PRKCE: variants seen among roughly 807,000 people sequenced by gnomAD.
The protein encoded by PRKCE is protein kinase C epsilon type.
In PRKCE, 16 loss-of-function variants were observed where a neutral mutation model predicts 85.4. The ratio of observed to expected loss-of-function variants is 0.19; its 90% CI spans 0.13 to 0.28. The LOEUF (loss-of-function observed/expected upper bound fraction) is 0.28. PRKCE is among the 10% of genes least tolerant of loss of function. The pLI, the probability that PRKCE is intolerant of heterozygous loss-of-function variation, is 1.00. For synonymous variants in PRKCE, 388 were observed against 371.5 expected (o/e 1.04, Z -0.51); for missense variants, 573 against 975.2 (o/e 0.59, Z 5.49).
intron 1 of PRKCE, among the ~76,000 whole-genome samples, chr2:45,727,383 G>C (rs965841602): frequency 6.6e-6 from 1 of 152,232 alleles, no homozygotes; most frequent in Non-Finnish European, 1.5e-5. Context: ...GTGCACAAAA[G>C]TGGGAGTGGG....
chr2:46,089,856 C>T (rs949184822), intron 11 of PRKCE, among the ~76,000 whole-genome samples: 2 of 152,186 alleles, frequency 1.3e-5, no homozygotes, highest in African/African-American at 4.8e-5. Context: ...CTCCAAATTA[C>T]TTGCCATTAT....
chr2:46,147,607 A>C (rs1372185521), intron 12 of PRKCE, among the ~76,000 whole-genome samples: 2 of 152,234 alleles, frequency 1.3e-5, no homozygotes, highest in East Asian at 3.8e-4. Context: ...CTGCACTGGC[A>C]ATGACAATCC....
chr2:45,858,495 A>T (rs1692864036), intron 2 of PRKCE, among the ~76,000 whole-genome samples: 1 of 152,084 alleles, frequency 6.6e-6, no homozygotes, highest in African/African-American at 2.4e-5. Context: ...TTTATGCTGA[A>T]CTTATATTGT....
intron 1 of PRKCE, among the ~76,000 whole-genome samples, chr2:45,821,283 C>T (rs1689510007): frequency 1.3e-5 from 2 of 152,118 alleles, no homozygotes; most frequent in Admixed American, 1.3e-4. Flanking sequence ...TAATTATCTC[C>T]CCTAAGTTAG....
chr2:45,892,040 A>T (rs562436227), intron 2 of PRKCE, among the ~76,000 whole-genome samples: 1 of 152,316 alleles, frequency 6.6e-6, no homozygotes, highest in South Asian at 2.1e-4. Context: ...CCTGCTCTCC[A>T]CAGTTGACAC....
intron 10 of PRKCE, among the ~76,000 whole-genome samples, chr2:46,083,202 C>G (rs560626899): frequency 6.6e-6 from 1 of 152,328 alleles, no homozygotes; most frequent in Admixed American, 6.5e-5. Flanking sequence ...CTGCCTACCT[C>G]AGTCTCCCAA....
chr2:46,163,620 T>G (rs1272034577), intron 14 of PRKCE, among the ~76,000 whole-genome samples: 3 of 81,578 alleles, frequency 3.7e-5, no homozygotes, highest in Admixed American at 1.4e-4. Context: ...AAGCTGAGCT[T>G]CATCCCCACA....
intron 10 of PRKCE, among the ~76,000 whole-genome samples, chr2:46,052,686 TC>T (rs1708929645): frequency 6.6e-6 from 1 of 152,160 alleles, no homozygotes; most frequent in Admixed American, 6.5e-5. Context: ...TGCAAAGGGC[TC>T]AGAAGAGCCA....
chr2:45,929,017 T>G (rs1024396265), intron 2 of PRKCE, among the ~76,000 whole-genome samples: 3 of 152,196 alleles, frequency 2.0e-5, no homozygotes, highest in Non-Finnish European at 2.9e-5. Flanking sequence ...AATTGTGCGT[T>G]CTTTCTTCTT....
At chr2:46,122,880 G>GT (rs1366368036) in intron 11 of PRKCE, among the ~76,000 whole-genome samples, 49 of 131,852 alleles carry the variant, frequency 3.7e-4, no homozygotes, top group African/African-American at 1.5e-3. Context: ...CAACAGTCTG[G>GT]GTTTTTTTTT....
chr2:45,909,751 G>A (rs1192066051), intron 2 of PRKCE, among the ~76,000 whole-genome samples: 1 of 152,214 alleles, frequency 6.6e-6, no homozygotes, highest in Non-Finnish European at 1.5e-5. Flanking sequence ...GTGAGTCAGT[G>A]CTTCCTGGAC....
chr2:45,733,575 T>C (rs1281908950), intron 1 of PRKCE, among the ~76,000 whole-genome samples: 1 of 152,154 alleles, frequency 6.6e-6, no homozygotes, highest in African/African-American at 2.4e-5. Context: ...TGGGGTGTTA[T>C]GTGGGCTGGT....
chr2:46,083,744 TGGG>T lies in PRKCE; in HGVS notation c.1438-2460_1438-2458del, dbSNP rs202106917. ...GATCTTCTGAACCAGATATCTGAGTTGGGGGGCTCAGGAATCCATGTCCTAACA... is the reference window on the plus strand; with the variant it reads ...GATCTTCTGAACCAGATATCTGAGTTGGGCTCAGGAATCCATGTCCTAACA... On this transcript the variant is annotated intron_variant, in intron 10 of 14. Coordinates refer to ENST00000306156, the MANE Select transcript of PRKCE (RefSeq NM_005400.3). Among the ~76,000 whole-genome samples, 18 of 152,286 alleles carry T rather than the reference TGGG, an allele frequency of 1.2e-4. No individual in the cohort carries two copies. The East Asian group carries it at 3.3e-3, about 28-fold the overall frequency.
intron 14 of PRKCE, among the ~76,000 whole-genome samples, chr2:46,177,957 G>C (rs1679585293): frequency 6.6e-6 from 1 of 152,082 alleles, no homozygotes; most frequent in South Asian, 2.1e-4. Context: ...CACTACCAAG[G>C]ATATGGATTT....
chr2:46,071,071 C>T (rs1021864180), intron 10 of PRKCE, among the ~76,000 whole-genome samples: 4 of 152,158 alleles, frequency 2.6e-5, no homozygotes, highest in African/African-American at 9.7e-5. Flanking sequence ...AAACCAAATG[C>T]GTAGAGATGC....
intron 2 of PRKCE, among the ~76,000 whole-genome samples, chr2:45,932,725 C>G (rs1002772066): frequency 6.6e-6 from 1 of 152,184 alleles, no homozygotes; most frequent in Non-Finnish European, 1.5e-5. Flanking sequence ...TGACCACTAT[C>G]CATCTCCAAA....
chr2:45,656,625 AAGAT>A (rs1438656837), intron 1 of PRKCE, among the ~76,000 whole-genome samples: 1 of 152,234 alleles, frequency 6.6e-6, no homozygotes, highest in African/African-American at 2.4e-5. Context: ...GGGCATATAA[AAGAT>A]AGATCTATAT....
chr2:46,114,735 T>C (rs922540967), intron 11 of PRKCE, among the ~76,000 whole-genome samples: 2 of 150,694 alleles, frequency 1.3e-5, no homozygotes, highest in Non-Finnish European at 3.0e-5. Flanking sequence ...TCCAAGGCTT[T>C]TAAGAGAATC....
At chr2:45,940,784 C>T (rs377519713) in intron 2 of PRKCE, among the ~76,000 whole-genome samples, 4 of 152,154 alleles carry the variant, frequency 2.6e-5, no homozygotes, top group Non-Finnish European at 4.4e-5. Flanking sequence ...CCTGGCCGGG[C>T]GTGGTGGCTC....
Sources: allele counts gnomAD v4.1 joint callset (sites outside exome capture counted in the v4.1 genomes callset), GRCh38; gene constraint gnomAD v4.1.1; transcripts MANE v1.5; gene names NCBI Gene and HGNC (gene_info 2026-07-23, HGNC 2026-07-21).